Variants in MYO10 observed in about 807,000 individuals in gnomAD.
MYO10 encodes myosin X.
In MYO10, 133 loss-of-function variants were observed where a neutral mutation model predicts 257.3. The observed-to-expected ratio is 0.52, with a 90% CI of 0.45 to 0.60. The LOEUF (loss-of-function observed/expected upper bound fraction) is 0.60. MYO10 is among the 20% of genes least tolerant of loss of function. The pLI, the probability that MYO10 is intolerant of heterozygous loss-of-function variation, is 0.00. For synonymous variants in MYO10, 1,104 were observed against 1,028.6 expected (o/e 1.07, Z -1.40); for missense variants, 2,399 against 2,635.7 (o/e 0.91, Z 1.97).
chr5:16,850,660 A>G (rs1281537477), intron 2 of MYO10, among the ~76,000 whole-genome samples: 1 of 151,984 alleles, frequency 6.6e-6, no homozygotes, highest in Non-Finnish European at 1.5e-5. Flanking sequence ...TGTTGGCAGG[A>G]AGGAGGAGGA....
chr5:16,678,580 C>T (rs896207147), intron 33 of MYO10, among the ~76,000 whole-genome samples: 8 of 152,106 alleles, frequency 5.3e-5, no homozygotes, highest in East Asian at 1.9e-4. Flanking sequence ...CTCCGTCCTC[C>T]GTCTCAAAAC....
chr5:16,739,658 T>C (rs1739941537), intron 19 of MYO10, among the ~76,000 whole-genome samples: 1 of 152,150 alleles, frequency 6.6e-6, no homozygotes, highest in Non-Finnish European at 1.5e-5. Context: ...GACAGAATTT[T>C]ATAGTCATGA....
intron 2 of MYO10, among the ~76,000 whole-genome samples, chr5:16,834,617 T>C (rs1426318768): frequency 6.6e-6 from 1 of 152,194 alleles, no homozygotes; most frequent in African/African-American, 2.4e-5. Flanking sequence ...GACTTTACGT[T>C]TGTCATCTAA....
At chr5:16,821,047 ATATATG>A (rs1468809067) in intron 2 of MYO10, among the ~76,000 whole-genome samples, 1 of 147,498 alleles carries the variant, frequency 6.8e-6, no homozygotes, top group East Asian at 2.0e-4. Flanking sequence ...GTTTATATAC[ATATATG>A]TATAATATAT....
chr5:16,873,784 C>T (rs1020403509), intron 2 of MYO10, among the ~76,000 whole-genome samples: 6 of 152,222 alleles, frequency 3.9e-5, no homozygotes, highest in Non-Finnish European at 7.3e-5. Context: ...TGTACATTGG[C>T]CTCTTTCAGC....
intron 26 of MYO10, among the ~76,000 whole-genome samples, chr5:16,694,975 T>A (rs960220557): frequency 6.6e-6 from 1 of 152,208 alleles, no homozygotes; most frequent in Admixed American, 6.5e-5. Context: ...GGATCAGGCT[T>A]ATCCCAAAAT....
At chr5:16,873,472 C>T (rs1352860072) in intron 2 of MYO10, among the ~76,000 whole-genome samples, 1 of 152,188 alleles carries the variant, frequency 6.6e-6, no homozygotes, top group Middle Eastern at 3.2e-3. Flanking sequence ...AGTGGATCTA[C>T]CATTCTGCGG....
intron 2 of MYO10, among the ~76,000 whole-genome samples, chr5:16,838,175 T>C (rs1439211472): frequency 6.6e-6 from 1 of 152,090 alleles, no homozygotes; most frequent in African/African-American, 2.4e-5. Context: ...TCACTTTAAA[T>C]CAAAAGCTAC....
Position 16,830,107 on chromosome 5 carries a change from G to C in MYO10, c.121-11940C>G, listed in dbSNP as rs253327. On this transcript the variant is annotated intron_variant, in intron 2 of 40. Transcript: ENST00000513610. ...AAAAATTAGCCGGGCGTCATGGTGC[G>C]CGCCTTTAGTCCCAGCTACTTGGGA... 3.3e-5 allele frequency among the ~76,000 whole-genome samples: 5 copies of C among 151,772 alleles called. No individual in the cohort carries two copies. The East Asian group carries it at 5.8e-4, about 18-fold the overall frequency.
chr5:16,850,977 T>C lies in MYO10; in HGVS notation c.120+26632A>G, dbSNP rs564817365. ...GCCCAGCTCATTTTTGTATTTTTTC[T>C]TTTTTAGTAGAGACAGGGTTTTGCC... On this transcript the variant is annotated intron_variant, in intron 2 of 40. Coordinates refer to ENST00000513610, the MANE Select transcript of MYO10 (RefSeq NM_012334.3). 3.0e-4 allele frequency among the ~76,000 whole-genome samples: 46 copies of C among 152,128 alleles called. No homozygotes were observed. In the East Asian group the frequency reaches 5.2e-3, roughly 17 times the overall value.
intron 6 of MYO10, among the ~76,000 whole-genome samples, chr5:16,781,218 T>C (rs1359900777): frequency 6.6e-6 from 1 of 151,954 alleles, no homozygotes; most frequent in Non-Finnish European, 1.5e-5. Context: ...TAGCTGGGAA[T>C]ACAGGCACAC....
intron 17 of MYO10, among the ~76,000 whole-genome samples, chr5:16,760,020 C>G (rs1740656952): frequency 6.7e-6 from 1 of 150,244 alleles, no homozygotes; most frequent in South Asian, 2.1e-4. Context: ...AGCTTTTAAA[C>G]TTTTTTGCTA....
chr5:16,879,059 A>G lies in MYO10; in HGVS notation c.22-1352T>C, dbSNP rs1457019988. On this transcript the variant is annotated intron_variant, in intron 1 of 40. Transcript: ENST00000513610. Reference sequence around the variant, plus strand: ...ATGATGGAATGCAACACTGAGCTTCAGTATCTCATTAAACTTTTTCTACTC... The same window carrying G: ...ATGATGGAATGCAACACTGAGCTTCGGTATCTCATTAAACTTTTTCTACTC... Among the ~76,000 whole-genome samples, 3 of 152,208 alleles carry G rather than the reference A, an allele frequency of 2.0e-5. 1 individual carries two copies. Among genetic ancestry groups the G allele is most frequent in the South Asian group, 4.1e-4 (2 of 4,826 alleles).
intron 10 of MYO10, among the ~76,000 whole-genome samples, chr5:16,766,566 A>G (rs1740874858): frequency 6.6e-6 from 1 of 150,984 alleles, no homozygotes; most frequent in Admixed American, 6.6e-5. Context: ...AGCAGCTGGG[A>G]CTATAGGCAC....
chr5:16,796,238 CGAGCGTGCGAGAGAGAGA>C (rs971771619), intron 3 of MYO10, among the ~76,000 whole-genome samples: 1 of 81,344 alleles, frequency 1.2e-5, no homozygotes, highest in African/African-American at 4.7e-5. Flanking sequence ...AGAGAAAGAG[CGAGCGTGCGAGAGAGAGA>C]GAGAGAGAAA....
chr5:16,698,394 G>A (rs1737859385), intron 26 of MYO10, among the ~76,000 whole-genome samples: 1 of 152,072 alleles, frequency 6.6e-6, no homozygotes, highest in Admixed American at 6.5e-5. Context: ...TAAATAAATA[G>A]TAAATAATTT....
At chr5:16,841,542 C>T (rs898678025) in intron 2 of MYO10, among the ~76,000 whole-genome samples, 8 of 152,144 alleles carry the variant, frequency 5.3e-5, no homozygotes, top group African/African-American at 1.7e-4. Context: ...AAGCATGAAA[C>T]GGCAAAGCTG....
intron 19 of MYO10, among the ~76,000 whole-genome samples, chr5:16,749,127 C>T (rs901055193): frequency 6.6e-6 from 1 of 152,236 alleles, no homozygotes. Flanking sequence ...GAAACTCTAG[C>T]CCTGCTGGTT....
intron 2 of MYO10, chr5:16,853,860 C>A (rs977783370): frequency 6.6e-6 from 1 of 152,270 alleles, no homozygotes; most frequent in African/African-American, 2.4e-5. Flanking sequence ...GGCTACAGAA[C>A]CCTTTCCCTG....
Sources: gnomAD v4.1 joint callset for allele counts (sites outside exome capture counted in the v4.1 genomes callset) on GRCh38, gnomAD v4.1.1 for gene constraint, MANE v1.5 for transcripts, NCBI Gene and HGNC (gene_info 2026-07-23, HGNC 2026-07-21) for gene names.